Variants in CCDC102B observed in about 807,000 individuals in gnomAD.
The protein encoded by CCDC102B is coiled-coil domain containing 102B, also known as coiled-coil domain-containing protein 102B.
A neutral mutation model predicts 57.4 loss-of-function variants in CCDC102B; 75 were observed. The observed-to-expected ratio is 1.31, with a 90% CI of 1.08 to 1.58. The LOEUF (loss-of-function observed/expected upper bound fraction) is 1.58. Among genes scored for constraint, CCDC102B ranks in the 40% most tolerant of loss-of-function variants. The pLI, the probability that CCDC102B is intolerant of heterozygous loss-of-function variation, is 0.00. For synonymous variants in CCDC102B, 206 were observed against 201.9 expected (o/e 1.02, Z -0.17); for missense variants, 636 against 582.6 (o/e 1.09, Z -0.94).
intron 6 of CCDC102B, among the ~76,000 whole-genome samples, chr18:68,933,927 A>G (rs2041762622): frequency 6.6e-6 from 1 of 151,940 alleles, no homozygotes; most frequent in South Asian, 2.1e-4. Context: ...AACATTTGAC[A>G]GGCCGGGAGA....
chr18:68,719,330 T>C (rs1321810013), intron 2 of CCDC102B, among the ~76,000 whole-genome samples: 1 of 152,122 alleles, frequency 6.6e-6, no homozygotes, highest in East Asian at 1.9e-4. Flanking sequence ...AGTCTTAATC[T>C]TCCATCTGCA....
At chr18:68,903,629 T>C (rs1360368877) in intron 6 of CCDC102B, among the ~76,000 whole-genome samples, 1 of 152,146 alleles carries the variant, frequency 6.6e-6, no homozygotes, top group East Asian at 1.9e-4. Flanking sequence ...TGATAAGCAG[T>C]CTATGTATTC....
chr18:69,038,253 T>C (rs1276918981), intron 7 of CCDC102B, among the ~76,000 whole-genome samples: 1 of 151,950 alleles, frequency 6.6e-6, no homozygotes, highest in Non-Finnish European at 1.5e-5. Context: ...ATGTTCCATT[T>C]TAATGTCTGC....
chr18:68,858,421 T>A (rs547427639), intron 4 of CCDC102B, among the ~76,000 whole-genome samples: 21 of 152,186 alleles, frequency 1.4e-4, no homozygotes, highest in Non-Finnish European at 2.5e-4. Flanking sequence ...CTTGGATCTC[T>A]TCAGGTTTCT....
chr18:68,911,568 C>T (rs12967566), intron 6 of CCDC102B, among the ~76,000 whole-genome samples: 8,898 of 143,490 alleles, frequency 0.062, 353 homozygotes, highest in Non-Finnish European at 0.092. Flanking sequence ...CTGGCTAACA[C>T]GGTGAAACCC....
intron 5 of CCDC102B, among the ~76,000 whole-genome samples, chr18:68,880,361 C>A (rs2144955080): frequency 6.6e-6 from 1 of 152,338 alleles, no homozygotes; most frequent in East Asian, 1.9e-4. Context: ...AGCCCCGGTT[C>A]CTGCTCGTGC....
At position 68,740,074 on chromosome 18, in the gene CCDC102B, G is replaced by A. The variant is rs532352312; in HGVS notation, c.-67+23480G>A. On this transcript the variant is annotated intron_variant, in intron 2 of 3. Coordinates refer to the CCDC102B transcript ENST00000578970. ...CAACCTCAGTACTATGGACATTCTG[G>A]GTCAGATAATTCTTTGTTATGGAGA... is the stretch of plus-strand genomic sequence containing the variant. Among the ~76,000 whole-genome samples the A allele has an allele frequency of 5.4e-4, 82 of 152,234 alleles. 1 individual carries two copies. The South Asian group carries it at 0.017, about 32-fold the overall frequency.
At chr18:68,739,996 G>T (rs974716306) in intron 2 of CCDC102B, among the ~76,000 whole-genome samples, 1 of 152,198 alleles carries the variant, frequency 6.6e-6, no homozygotes, top group Non-Finnish European at 1.5e-5. Flanking sequence ...TCTAAAAATA[G>T]TTAAATAGAT....
intron 2 of CCDC102B, among the ~76,000 whole-genome samples, chr18:68,786,653 C>A (rs1202298791): frequency 1.5e-5 from 2 of 136,846 alleles, no homozygotes; most frequent in African/African-American, 5.6e-5. Context: ...TATAAGAATG[C>A]TTGTGATTTT....
intron 2 of CCDC102B, among the ~76,000 whole-genome samples, chr18:68,748,956 G>A (rs1407230917): frequency 6.6e-6 from 1 of 152,172 alleles, no homozygotes; most frequent in Non-Finnish European, 1.5e-5. Context: ...TCTTGTGTAA[G>A]GTGTAAGGAA....
chr18:68,789,951 C>T (rs1371187184), intron 2 of CCDC102B, among the ~76,000 whole-genome samples: 1 of 151,660 alleles, frequency 6.6e-6, no homozygotes, highest in African/African-American at 2.4e-5. Context: ...TTTTCCCCAT[C>T]TTTGTGGTTT....
chr18:68,723,568 C>T (rs191625176), intron 2 of CCDC102B, among the ~76,000 whole-genome samples: 11 of 152,310 alleles, frequency 7.2e-5, no homozygotes, highest in Admixed American at 2.0e-4. Context: ...AAAGGGGATA[C>T]GGGCCCCATG....
At chr18:68,831,514 T>G (rs1036908433) in intron 1 of CCDC102B, among the ~76,000 whole-genome samples, 1 of 152,184 alleles carries the variant, frequency 6.6e-6, no homozygotes, top group African/African-American at 2.4e-5. Context: ...ACAATGCTTT[T>G]GGAAAGTAAA....
At chr18:68,755,230 C>A (rs906530552) in intron 2 of CCDC102B, among the ~76,000 whole-genome samples, 3 of 152,088 alleles carry the variant, frequency 2.0e-5, no homozygotes, top group Non-Finnish European at 4.4e-5. Context: ...GGATGTGCTC[C>A]CCAGAAAACC....
chr18:68,741,711 ACACC>A (rs1383483768), intron 2 of CCDC102B, among the ~76,000 whole-genome samples: 6 of 79,316 alleles, frequency 7.6e-5, no homozygotes, highest in East Asian at 3.9e-4. Flanking sequence ...ACACACACAC[ACACC>A]CCAAGACAAT....
intron 4 of CCDC102B, among the ~76,000 whole-genome samples, chr18:68,852,096 T>C (rs1431903212): frequency 6.6e-6 from 1 of 151,374 alleles, no homozygotes; most frequent in Non-Finnish European, 1.5e-5. Flanking sequence ...CCAGGTCGCC[T>C]GCCTTCTTTT....
chr18:68,900,478 T>C (rs2040409234), intron 6 of CCDC102B, among the ~76,000 whole-genome samples: 1 of 152,174 alleles, frequency 6.6e-6, no homozygotes, highest in African/African-American at 2.4e-5. Context: ...AAAAAAAGTC[T>C]TCCATACACT....
In CCDC102B at chr18:68,730,375, T is replaced by C. The variant is rs2032803545; in HGVS notation, c.-67+13781T>C. ...AAAGGTACTAACCCAATTATGAAAG[T>C]CAATTAATATTACATTTAATTAGGT... On this transcript the variant is annotated intron_variant, in intron 2 of 3. Coordinates refer to the CCDC102B transcript ENST00000578970. Among the ~76,000 whole-genome samples, 9 of 152,224 alleles carry C rather than the reference T, an allele frequency of 5.9e-5. No individual in the cohort carries two copies. The South Asian group carries it at 1.4e-3, about 24-fold the overall frequency.
intron 6 of CCDC102B, among the ~76,000 whole-genome samples, chr18:68,961,940 G>A (rs145792840): frequency 0.012 from 1,831 of 152,002 alleles, 23 homozygotes; most frequent in Non-Finnish European, 0.017. Context: ...TAGGATGTAG[G>A]ATCTCTGAAC....
Sources: gnomAD v4.1 joint callset for allele counts (sites outside exome capture counted in the v4.1 genomes callset) on GRCh38, gnomAD v4.1.1 for gene constraint, MANE v1.5 for transcripts, NCBI Gene and HGNC (gene_info 2026-07-23, HGNC 2026-07-21) for gene names.